Variants in PDE4B observed in about 807,000 individuals in gnomAD.
PDE4B encodes the protein 3',5'-cyclic-AMP phosphodiesterase 4B.
PDE4B carries 20 observed loss-of-function variants against 82.2 expected under a neutral mutation model. That is an observed-to-expected ratio of 0.24 (90% CI 0.17 to 0.35). PDE4B has a LOEUF of 0.35. Among genes scored for constraint, PDE4B ranks in the 10% least tolerant of loss-of-function variants. The pLI, the probability that PDE4B is intolerant of heterozygous loss-of-function variation, is 1.00. For synonymous variants in PDE4B, 320 were observed against 318.9 expected, an observed-to-expected ratio of 1.00 and a Z score of -0.04; for missense variants, 655 against 907.2, an observed-to-expected ratio of 0.72 and a Z score of 3.57.
chr1:65,885,581 A>G (rs1027180086), intron 1 of PDE4B, among the ~76,000 whole-genome samples: 21 of 152,092 alleles, frequency 1.4e-4, no homozygotes, highest in African/African-American at 5.1e-4. Context: ...TGAAGCCGGA[A>G]ACGATCATTC....
Position 65,804,254 on chromosome 1 carries a change from T to C in PDE4B, c.-71+11006T>C, listed in dbSNP as rs72685026. 7.1e-3 allele frequency among the ~76,000 whole-genome samples: 1,076 copies of C among 152,298 alleles called. 5 individuals are homozygous for C. Among genetic ancestry groups the C allele is most frequent in the Middle Eastern group, 0.014 (4 of 294 alleles). ...TGGAAATAAGTACAAGGAAGGAAGCTTTGCTTTTCTCTGTGCTTTATGCTC... is the reference window on the plus strand; with the variant it reads ...TGGAAATAAGTACAAGGAAGGAAGCCTTGCTTTTCTCTGTGCTTTATGCTC... On this transcript the variant is annotated intron_variant, in intron 1 of 16. Transcript: ENST00000341517.
At chr1:65,923,304 A>G (rs1297683520) in intron 3 of PDE4B, among the ~76,000 whole-genome samples, 1 of 152,212 alleles carries the variant, frequency 6.6e-6, no homozygotes, top group Non-Finnish European at 1.5e-5. Flanking sequence ...TGCATAACCA[A>G]ATTTAGATAA....
chr1:65,885,551 G>T (rs1380035176), intron 1 of PDE4B, among the ~76,000 whole-genome samples: 2 of 152,060 alleles, frequency 1.3e-5, no homozygotes, highest in Non-Finnish European at 2.9e-5. Context: ...ATGAGTTCAC[G>T]TCCTTTGTAG....
intron 7 of PDE4B, among the ~76,000 whole-genome samples, chr1:66,308,664 CTGT>C (rs1658454713): frequency 6.6e-6 from 1 of 152,062 alleles, no homozygotes; most frequent in Non-Finnish European, 1.5e-5. Context: ...AGATTCATTC[CTGT>C]TGTTTCATGC....
In PDE4B at chr1:66,027,830, G is replaced by T. The variant is rs1262532214; in HGVS notation, c.281+108995G>T. Among the ~76,000 whole-genome samples, 7 of 152,244 alleles carry T rather than the reference G, an allele frequency of 4.6e-5. No individual in the cohort carries two copies. In the South Asian group the frequency reaches 1.2e-3, roughly 27 times the overall value. ...CATCCAGGTCACACTGATGCAAGGG[G>T]TGGGTTCCCATGGTCTTGGGCAGCT... On this transcript the variant is annotated intron_variant, in intron 3 of 16. Transcript: ENST00000341517.
intron 3 of PDE4B, among the ~76,000 whole-genome samples, chr1:66,043,076 A>G (rs561410070): frequency 6.6e-6 from 1 of 151,868 alleles, no homozygotes; most frequent in South Asian, 2.1e-4. Flanking sequence ...GGGAGGTCTC[A>G]TTAAGGAAAA....
chr1:66,063,580 G>A (rs1297435353), intron 3 of PDE4B, among the ~76,000 whole-genome samples: 1 of 151,966 alleles, frequency 6.6e-6, no homozygotes, highest in African/African-American at 2.4e-5. Context: ...TCAGATTGGT[G>A]TCATTAGCAG....
chr1:65,824,248 C>T (rs970174160), intron 1 of PDE4B, among the ~76,000 whole-genome samples: 1 of 152,034 alleles, frequency 6.6e-6, no homozygotes, highest in Admixed American at 6.5e-5. Flanking sequence ...GTATCTTTCA[C>T]ATACTTAGTG....
intron 3 of PDE4B, among the ~76,000 whole-genome samples, chr1:66,075,913 A>G (rs1206115953): frequency 2.3e-5 from 1 of 43,386 alleles, no homozygotes. Context: ...ACAAAACAAA[A>G]CAAAACAAAA....
At chr1:66,233,083 T>G (rs937363163) in intron 3 of PDE4B, among the ~76,000 whole-genome samples, 1 of 152,138 alleles carries the variant, frequency 6.6e-6, no homozygotes, top group South Asian at 2.1e-4. Flanking sequence ...AGATAATAAA[T>G]ATAGCCATCA....
chr1:65,885,629 C>T, intron 1 of PDE4B, among the ~76,000 whole-genome samples: 1 of 151,792 alleles, frequency 6.6e-6, no homozygotes, highest in East Asian at 1.9e-4. Context: ...CCAAACACCA[C>T]ATGTTCTCAC....
chr1:66,309,260 C>T (rs1040471759), intron 7 of PDE4B, among the ~76,000 whole-genome samples: 2 of 152,124 alleles, frequency 1.3e-5, no homozygotes, highest in African/African-American at 2.4e-5. Context: ...AGACACAAGA[C>T]GTAATGGTCT....
At chr1:66,194,718 T>TA (rs1648135926) in intron 3 of PDE4B, among the ~76,000 whole-genome samples, 1 of 152,074 alleles carries the variant, frequency 6.6e-6, no homozygotes, top group African/African-American at 2.4e-5. Flanking sequence ...ATGAAAATAA[T>TA]AAAAAAGGTG....
chr1:66,349,168 T>C (rs1317233303), intron 8 of PDE4B, among the ~76,000 whole-genome samples: 1 of 152,176 alleles, frequency 6.6e-6, no homozygotes, highest in Non-Finnish European at 1.5e-5. Flanking sequence ...GATCTTTTGA[T>C]ATTTTTCAAT....
chr1:65,875,336 C>T (rs1203101725), intron 1 of PDE4B, among the ~76,000 whole-genome samples: 1 of 149,256 alleles, frequency 6.7e-6, no homozygotes. Context: ...AGTAGGAACA[C>T]TTTTACACTG....
chr1:65,838,283 A>T (rs1397051527), intron 1 of PDE4B, among the ~76,000 whole-genome samples: 5 of 152,090 alleles, frequency 3.3e-5, no homozygotes, highest in Non-Finnish European at 5.9e-5. Flanking sequence ...TCATCAAAAA[A>T]ATGAATATTG....
At chr1:65,853,222 G>A (rs1646350658) in intron 1 of PDE4B, among the ~76,000 whole-genome samples, 1 of 151,802 alleles carries the variant, frequency 6.6e-6, no homozygotes, top group Non-Finnish European at 1.5e-5. Context: ...AATTTTTGTG[G>A]TATATCTTTT....
intron 1 of PDE4B, among the ~76,000 whole-genome samples, chr1:65,856,580 C>CA (rs1646395486): frequency 6.6e-6 from 1 of 152,110 alleles, no homozygotes; most frequent in East Asian, 1.9e-4. Context: ...CAGTCTATCA[C>CA]TGGTGGGCAT....
At position 65,875,776 on chromosome 1, in the gene PDE4B, G is replaced by C. The variant is rs1646633174; in HGVS notation, c.-70-37469G>C. Among the ~76,000 whole-genome samples the C allele has an allele frequency of 2.4e-5, 3 of 124,558 alleles. No homozygotes were observed. In the Admixed American group the frequency reaches 3.0e-4, roughly 13 times the overall value. The allele number at this position is 124,558 out of a possible 152,430, so 81.7% of individuals were successfully genotyped here. On this transcript the variant is annotated intron_variant, in intron 1 of 16. Coordinates refer to ENST00000341517, the MANE Select transcript of PDE4B (RefSeq NM_002600.4). ...TGAGATCACATGGACACAGGAAGGG[G>C]AACATCACACTCTGGGGACTGTGGT...
Sources: allele counts gnomAD v4.1 joint callset (sites outside exome capture counted in the v4.1 genomes callset), GRCh38; gene constraint gnomAD v4.1.1; transcripts MANE v1.5; gene names NCBI Gene and HGNC (gene_info 2026-07-23, HGNC 2026-07-21).